CDYL: variants seen among roughly 807,000 people sequenced by gnomAD.
The protein encoded by CDYL is chromodomain Y like, also known as chromodomain Y-like protein.
CDYL carries 8 observed loss-of-function variants against 47.3 expected under a neutral mutation model. The ratio of observed to expected loss-of-function variants is 0.17; its 90% confidence interval spans 0.10 to 0.31. The LOEUF is 0.31. Ranked by LOEUF, CDYL falls within the 10% of genes least tolerant of loss-of-function variation. The pLI is 1.00. For synonymous variants in CDYL, 266 were observed against 265.0 expected (o/e 1.00, Z -0.04); for missense variants, 471 against 701.4 (o/e 0.67, Z 3.71).
At chr6:4,896,211 T>A (rs752107695) in intron 2 of CDYL, among the ~76,000 whole-genome samples, 2 of 152,316 alleles carry the variant, frequency 1.3e-5, no homozygotes, top group Non-Finnish European at 2.9e-5. Context: ...GAGGAGGAAG[T>A]CTTTCTGGAA....
At chr6:4,935,349 G>T (rs954354090) in intron 2 of CDYL, among the ~76,000 whole-genome samples, 166 bp from the exon 3 acceptor site, 6 of 152,174 alleles carry the variant, frequency 3.9e-5, no homozygotes, top group Non-Finnish European at 8.8e-5. Context: ...AGAGCAAGTG[G>T]CTTTAAAAGT....
At chr6:4,781,141 G>A (rs532537242) in intron 1 of CDYL, among the ~76,000 whole-genome samples, 17 of 152,262 alleles carry the variant, frequency 1.1e-4, no homozygotes, top group African/African-American at 3.6e-4. Flanking sequence ...AATCGTATCT[G>A]GTGTGTAAAA....
intron 1 of CDYL, among the ~76,000 whole-genome samples, chr6:4,813,837 G>A (rs891902964): frequency 3.3e-5 from 5 of 151,902 alleles, no homozygotes; most frequent in African/African-American, 1.2e-4. Context: ...GCTGTGGTGC[G>A]ATTATGGCTC....
chr6:4,732,201 G>T (rs1353046269), intron 2 of CDYL, among the ~76,000 whole-genome samples: 1 of 152,056 alleles, frequency 6.6e-6, no homozygotes, highest in African/African-American at 2.4e-5. Flanking sequence ...TAAGCATGAT[G>T]GTGCATGCTT....
intron 1 of CDYL, among the ~76,000 whole-genome samples, chr6:4,835,941 A>G (rs960556039): frequency 2.0e-5 from 3 of 152,210 alleles, no homozygotes; most frequent in African/African-American, 4.8e-5. Context: ...AAAGCGCAGT[A>G]TTCGGGTGGG....
At chr6:4,845,788 C>T (rs759219670) in intron 1 of CDYL, among the ~76,000 whole-genome samples, 20 of 152,188 alleles carry the variant, frequency 1.3e-4, no homozygotes, top group East Asian at 1.9e-4. Context: ...TTTTTCCAAC[C>T]GCTGAAAACG....
chr6:4,776,276 G>T (rs1341034315), upstream of CDYL, among the ~76,000 whole-genome samples: 14 of 144,382 alleles, frequency 9.7e-5, no homozygotes, highest in Admixed American at 2.7e-4. Flanking sequence ...TGCTCCCCTC[G>T]GCTGCCCCGC....
At chr6:4,819,150 CTCTCTCTCTCTCTGTGTG>C (rs1394033557) in intron 1 of CDYL, among the ~76,000 whole-genome samples, 55 of 139,428 alleles carry the variant, frequency 3.9e-4, no homozygotes, top group African/African-American at 1.3e-3. Flanking sequence ...CTCTCTCTCT[CTCTCTCTCTCTCTGTGTG>C]TGTGTGTGTG....
chr6:4,943,410 G>T, intron 4 of CDYL, 136 bp from the exon 5 acceptor site: 2 of 650,098 alleles, frequency 3.1e-6, no homozygotes, highest in Non-Finnish European at 5.3e-6. Flanking sequence ...AACTGCTGGG[G>T]AAGGCCTTAA....
intron 1 of CDYL, among the ~76,000 whole-genome samples, chr6:4,856,332 C>T (rs1046253627): frequency 7.9e-5 from 12 of 152,180 alleles, no homozygotes; most frequent in African/African-American, 2.9e-4. Flanking sequence ...AAAAAGCGAC[C>T]TTTCCTGAGT....
intron 1 of CDYL, among the ~76,000 whole-genome samples, chr6:4,796,763 AG>A (rs1324213348): frequency 6.6e-6 from 1 of 152,176 alleles, no homozygotes; most frequent in African/African-American, 2.4e-5. Flanking sequence ...CTCTGTCTTG[AG>A]AGCACCATAT....
rs188841421 is a variant in CDYL, at chr6:4,867,096, G to T, written c.25-24617G>T. On this transcript the variant is annotated intron_variant, in intron 1 of 6. Coordinates refer to ENST00000397588, the MANE Select transcript of CDYL (RefSeq NM_004824.4). ...AGTGTTTCATCGATAATTTCTCACAGATATCTTTTTTTGTTCATTTGTTTT... is the reference window on the plus strand; with the variant it reads ...AGTGTTTCATCGATAATTTCTCACATATATCTTTTTTTGTTCATTTGTTTT... Among the ~76,000 whole-genome samples the T allele has an allele frequency of 7.2e-4, 109 of 152,154 alleles. 1 individual carries two copies. Among genetic ancestry groups the T allele is most frequent in the Admixed American group, 1.5e-3 (23 of 15,292 alleles).
chr6:4,925,488 T>C (rs1757843806), intron 2 of CDYL, among the ~76,000 whole-genome samples: 1 of 140,382 alleles, frequency 7.1e-6, no homozygotes, highest in African/African-American at 2.6e-5. Context: ...CTCGGCTCAC[T>C]GCAAGCTCCG....
rs375233596 is a variant in CDYL at position 4,943,724 on chromosome 6, G to A, written c.1300G>A (p.Val434Ile). Reference sequence around the variant, plus strand: ...ACAGAGTCCAGATGGCTGTTCTACCGTTATGTTTCCCAAGATAATGGGAGG... The same window carrying A: ...ACAGAGTCCAGATGGCTGTTCTACCATTATGTTTCCCAAGATAATGGGAGG... ...FGQSPDGCST[V>I]MFPKIMGGAS... Residue 434 changes from valine (V) to isoleucine (I), a missense_variant, in exon 5 of 7, where the codon GTT (valine) becomes ATT (isoleucine). Val to Ile is a conservative substitution (Grantham distance 29). Around this residue, in one of 3 missense-constraint regions of CDYL, gnomAD observed 103 missense variants for 277.1 expected, o/e 0.37. Transcript: ENST00000397588. The A allele has an allele frequency of 1.6e-5, 26 of 1,603,300 alleles. No individual in the cohort carries two copies. The highest frequency in any genetic ancestry group is 4.5e-5 in the South Asian group (4 of 89,474).
At chr6:4,813,554 C>T (rs1300202264) in intron 1 of CDYL, among the ~76,000 whole-genome samples, 1 of 152,166 alleles carries the variant, frequency 6.6e-6, no homozygotes, top group Non-Finnish European at 1.5e-5. Flanking sequence ...CTGATGGATT[C>T]ATTTTGCTAA....
intron 1 of CDYL, among the ~76,000 whole-genome samples, chr6:4,888,271 G>C (rs12210499): frequency 6.6e-6 from 1 of 152,086 alleles, no homozygotes; most frequent in Non-Finnish European, 1.5e-5. Flanking sequence ...AATTTTGGTA[G>C]AATTCACCAG....
intron 5 of CDYL, among the ~76,000 whole-genome samples, chr6:4,947,431 C>G (rs1167572396): frequency 6.6e-6 from 1 of 152,190 alleles, no homozygotes; most frequent in Non-Finnish European, 1.5e-5. Flanking sequence ...AGCTTGTCCA[C>G]TCTTGCTGAC....
At chr6:4,876,439 A>G (rs550281173) in intron 1 of CDYL, among the ~76,000 whole-genome samples, 169 of 152,170 alleles carry the variant, frequency 1.1e-3, no homozygotes, top group Non-Finnish European at 1.9e-3. Flanking sequence ...TGGCTGTCCC[A>G]TTTTAAAATC....
chr6:4,766,602 A>C (rs959724643), intron 3 of CDYL, among the ~76,000 whole-genome samples: 1 of 152,220 alleles, frequency 6.6e-6, no homozygotes, highest in African/African-American at 2.4e-5. Flanking sequence ...AAGCAAATGC[A>C]TACAGGTATC....
Sources: allele counts gnomAD v4.1 joint callset (sites outside exome capture counted in the v4.1 genomes callset), GRCh38; gene constraint gnomAD v4.1.1; regional missense constraint gnomAD v4.1.1; transcripts MANE v1.5; gene names NCBI Gene and HGNC (gene_info 2026-07-23, HGNC 2026-07-21).